EPB41L5: variants seen among roughly 807,000 people sequenced by gnomAD.
EPB41L5 encodes the protein erythrocyte membrane protein band 4.1 like 5.
Under a neutral mutation model 106.6 loss-of-function variants are expected in EPB41L5, and 55 were observed. That is an observed-to-expected ratio of 0.52 (90% CI 0.42 to 0.65). The LOEUF is 0.65. Ranked by LOEUF, EPB41L5 falls within the 30% of genes least tolerant of loss-of-function variation. The probability of loss-of-function intolerance (pLI) is 0.00; values close to 1 mark genes in which losing one functional copy is unlikely to be tolerated. For synonymous variants in EPB41L5, 297 were observed against 306.7 expected (o/e 0.97, Z 0.33); for missense variants, 871 against 882.1 (o/e 0.99, Z 0.16).
intron 20 of EPB41L5, among the ~76,000 whole-genome samples, chr2:120,160,024 G>T (rs533127681): frequency 9.9e-4 from 150 of 152,230 alleles, no homozygotes; most frequent in South Asian, 2.1e-3. Context: ...ATGAGAACAC[G>T]TGGACACATA....
At chr2:120,163,442 C>T (rs1324896159) in intron 21 of EPB41L5, among the ~76,000 whole-genome samples, 2 of 152,022 alleles carry the variant, frequency 1.3e-5, no homozygotes, top group Non-Finnish European at 2.9e-5. Context: ...ACTTCAAATA[C>T]TGGTTAAACA....
chr2:120,077,250 T>C lies in EPB41L5; in HGVS notation c.648T>C (p.Ala216=). 1.2e-6 allele frequency: 2 copies of C among 1,611,288 alleles called. No homozygotes were observed. The highest frequency in any genetic ancestry group is 2.2e-5 in the South Asian group (2 of 90,562). Residue 216 remains alanine, a synonymous_variant, in exon 9 of 25, where the codon GCT becomes GCC. Coordinates refer to ENST00000263713, the MANE Select transcript of EPB41L5 (RefSeq NM_020909.4). ...TCAGAGGTCAAACACCAGCACAGGCTGAAACCAATTATCTGAATAAAGCCA... is the reference window on the plus strand; with the variant it reads ...TCAGAGGTCAAACACCAGCACAGGCCGAAACCAATTATCTGAATAAAGCCA... ...KEYRGQTPAQ[A]ETNYLNKAKW...
intron 20 of EPB41L5, among the ~76,000 whole-genome samples, chr2:120,151,232 G>A (rs529782237): frequency 4.6e-5 from 7 of 151,980 alleles, no homozygotes; most frequent in East Asian, 1.9e-4. Context: ...CCTGGGAGGC[G>A]GAGCTTGCAG....
intron 4 of EPB41L5, among the ~76,000 whole-genome samples, chr2:120,073,629 A>G (rs1682031991): frequency 6.6e-6 from 1 of 152,214 alleles, no homozygotes; most frequent in Non-Finnish European, 1.5e-5. Flanking sequence ...TCAGAGAGAG[A>G]ATACCATTGT....
chr2:120,035,214 A>G (rs1030807793), intron 2 of EPB41L5, among the ~76,000 whole-genome samples: 6 of 152,148 alleles, frequency 3.9e-5, no homozygotes, highest in African/African-American at 1.2e-4. Context: ...ACTCGCTAGC[A>G]TAATATTTTC....
chr2:120,165,967 C>CAA (rs536664071), intron 22 of EPB41L5, among the ~76,000 whole-genome samples: 352 of 27,948 alleles, frequency 0.013, 34 homozygotes, highest in African/African-American at 0.021. Context: ...GACTCCGTCT[C>CAA]AAAAAAAAAA....
At chr2:120,060,132 C>A (rs576164780) in intron 3 of EPB41L5, among the ~76,000 whole-genome samples, 3 of 152,276 alleles carry the variant, frequency 2.0e-5, no homozygotes, top group African/African-American at 7.2e-5. Context: ...TGAGAATGTG[C>A]AGAAATGGGA....
At chr2:120,032,979 A>G (rs895918433) in intron 2 of EPB41L5, among the ~76,000 whole-genome samples, 3 of 152,200 alleles carry the variant, frequency 2.0e-5, no homozygotes, top group Admixed American at 1.3e-4. Context: ...TTTTTCCTGT[A>G]ATGAAAATTT....
At position 120,087,156 on chromosome 2, in the gene EPB41L5, C is replaced by T; in HGVS notation, c.804-15C>T. ...TTGTTTGTAATTTGGCTTTTATTCT[C>T]TTATTATATTATAGGCCGAAGATAA... On this transcript the variant is annotated splice_polypyrimidine_tract_variant and intron_variant, in intron 10 of 24. Transcript: ENST00000263713. The T allele has an allele frequency of 8.7e-6, 13 of 1,500,250 alleles. No homozygotes were observed. The highest frequency in any genetic ancestry group is 1.1e-5 in the Non-Finnish European group (12 of 1,090,638). 92.9% of individuals were successfully genotyped at this position (1,500,250 alleles called of 1,614,324 possible). A position where few individuals can be genotyped will look rare whatever the true frequency, so the allele number is the denominator to read the frequency against.
At chr2:120,113,930 C>CT (rs1304537846) in intron 16 of EPB41L5, among the ~76,000 whole-genome samples, 1 of 152,128 alleles carries the variant, frequency 6.6e-6, no homozygotes, top group African/African-American at 2.4e-5. Flanking sequence ...TGAATTTCTG[C>CT]TTTTTGTGAA....
At chr2:120,086,280 T>A (rs2105354218) in intron 10 of EPB41L5, among the ~76,000 whole-genome samples, 1 of 152,332 alleles carries the variant, frequency 6.6e-6, no homozygotes, top group East Asian at 1.9e-4. Context: ...CTATTTTATA[T>A]GTTATATTTA....
At chr2:120,086,382 C>G (rs1468086072) in intron 10 of EPB41L5, among the ~76,000 whole-genome samples, 1 of 152,004 alleles carries the variant, frequency 6.6e-6, no homozygotes. Context: ...TTGGAATTTA[C>G]AAGTAGGGAG....
chr2:120,171,863 A>G (rs2105574721), intron 24 of EPB41L5, among the ~76,000 whole-genome samples: 1 of 152,280 alleles, frequency 6.6e-6, no homozygotes, highest in East Asian at 1.9e-4. Context: ...GGTAAACTGA[A>G]AAACAAGGAA....
chr2:120,052,288 A>G (rs1013149084), intron 3 of EPB41L5, among the ~76,000 whole-genome samples: 2 of 152,148 alleles, frequency 1.3e-5, no homozygotes, highest in African/African-American at 4.8e-5. Context: ...GTTCCCTTAT[A>G]AAGTAGATTA....
At chr2:120,128,527 A>G (rs529893200) in intron 17 of EPB41L5, among the ~76,000 whole-genome samples, 67 of 152,350 alleles carry the variant, frequency 4.4e-4, no homozygotes, top group African/African-American at 1.5e-3. Flanking sequence ...TGCCCTAAGT[A>G]TGCTGTTGTC....
At chr2:120,086,860 C>G (rs1465477525) in intron 10 of EPB41L5, among the ~76,000 whole-genome samples, 1 of 152,132 alleles carries the variant, frequency 6.6e-6, no homozygotes, top group Non-Finnish European at 1.5e-5. Flanking sequence ...AACACTGGAA[C>G]AATTTTCCCT....
chr2:120,168,241 C>T (rs1276045784), intron 24 of EPB41L5, among the ~76,000 whole-genome samples: 1 of 152,154 alleles, frequency 6.6e-6, no homozygotes, highest in Non-Finnish European at 1.5e-5. Flanking sequence ...AAGATGTTAA[C>T]AGGCTTATCT....
At chr2:120,060,178 A>G (rs1355492350) in intron 3 of EPB41L5, among the ~76,000 whole-genome samples, 2 of 152,232 alleles carry the variant, frequency 1.3e-5, no homozygotes, top group Non-Finnish European at 2.9e-5. Context: ...GTAAAGTGAT[A>G]TCGCTACTCT....
chr2:120,090,881 T>C (rs186155746), intron 12 of EPB41L5, among the ~76,000 whole-genome samples: 116 of 152,312 alleles, frequency 7.6e-4, no homozygotes, highest in Non-Finnish European at 1.2e-3. Context: ...ATAACATTTG[T>C]GGTCCTTTAT....
Sources: gnomAD v4.1 joint callset for allele counts (sites outside exome capture counted in the v4.1 genomes callset) on GRCh38, gnomAD v4.1.1 for gene constraint, MANE v1.5 for transcripts, NCBI Gene and HGNC (gene_info 2026-07-23, HGNC 2026-07-21) for gene names.